Variants in SPIDR observed in about 807,000 individuals in gnomAD.
SPIDR encodes the protein DNA repair-scaffolding protein.
Under a neutral mutation model 104.6 loss-of-function variants are expected in SPIDR, and 93 were observed. That is an observed-to-expected ratio of 0.89 (90% CI 0.75 to 1.06). SPIDR has a LOEUF of 1.06. Among genes scored for constraint, SPIDR ranks in the 50% least tolerant of loss-of-function variants. SPIDR has a pLI of 0.00. For synonymous variants in SPIDR, 431 were observed against 416.9 expected (o/e 1.03, Z -0.41); for missense variants, 1,154 against 1,111.2 (o/e 1.04, Z -0.55).
At position 47,692,487 on chromosome 8, in the gene SPIDR, CT is replaced by C. The variant is rs1171012398; in HGVS notation, c.1686-7893del. ...ATGATGTAACATGTATCAGAATTTC[CT>C]TTTTTTTTTTTTTTTTTTTTTTCTT... On this transcript the variant is annotated intron_variant, in intron 11 of 19. Coordinates refer to ENST00000297423, the MANE Select transcript of SPIDR (RefSeq NM_001080394.4). 9.7e-3 allele frequency among the ~76,000 whole-genome samples: 1,159 copies of C among 119,280 alleles called. 14 individuals are homozygous for C. The highest frequency in any genetic ancestry group is 0.029 in the African/African-American group (895 of 31,074). 78.3% of individuals were successfully genotyped at this position (119,280 alleles called of 152,430 possible). A position where few individuals can be genotyped will look rare whatever the true frequency, so the allele number is the denominator to read the frequency against.
In SPIDR at chr8:47,321,305, G is replaced by C. The variant is rs565003845; in HGVS notation, c.525+27275G>C. 2.2e-4 allele frequency among the ~76,000 whole-genome samples: 31 copies of C among 141,782 alleles called. No individual in the cohort carries two copies. In the South Asian group the frequency reaches 2.8e-3, roughly 13 times the overall value. 93.0% of individuals were successfully genotyped at this position (141,782 alleles called of 152,430 possible). A position where few individuals can be genotyped will look rare whatever the true frequency, so the allele number is the denominator to read the frequency against. The stretch of plus-strand genomic sequence containing the variant: ...AGCATTCTTATACACCAATAACAGA[G>C]AAAGAGAGAGCCAAATTATGAGTGA... On this transcript the variant is annotated intron_variant, in intron 5 of 19. Coordinates refer to ENST00000297423, the MANE Select transcript of SPIDR (RefSeq NM_001080394.4).
intron 5 of SPIDR, among the ~76,000 whole-genome samples, chr8:47,311,103 C>A (rs1436640110): frequency 6.6e-6 from 1 of 151,910 alleles, no homozygotes; most frequent in Non-Finnish European, 1.5e-5. Flanking sequence ...AGATAAGAAA[C>A]CTCAGCTGAA....
intron 8 of SPIDR, among the ~76,000 whole-genome samples, chr8:47,569,705 C>G (rs956091690): frequency 6.6e-6 from 1 of 152,126 alleles, no homozygotes; most frequent in African/African-American, 2.4e-5. Flanking sequence ...GTGAAATTTT[C>G]TCTATTCACA....
At chr8:47,622,491 G>A (rs142547535) in intron 10 of SPIDR, among the ~76,000 whole-genome samples, 8 of 152,246 alleles carry the variant, frequency 5.3e-5, no homozygotes, top group African/African-American at 1.4e-4. Flanking sequence ...GACCTGACGC[G>A]GGTCTCCTTT....
intron 10 of SPIDR, among the ~76,000 whole-genome samples, chr8:47,646,623 T>C (rs1265610097): frequency 6.6e-6 from 1 of 151,970 alleles, no homozygotes; most frequent in African/African-American, 2.4e-5. Context: ...CACAGAAAAA[T>C]CTATGACATT....
At chr8:47,303,221 C>G (rs782787798) in intron 5 of SPIDR, among the ~76,000 whole-genome samples, 1 of 152,200 alleles carries the variant, frequency 6.6e-6, no homozygotes, top group Non-Finnish European at 1.5e-5. Context: ...AGCGAGGCTC[C>G]GTGGGCGTAG....
rs746475893 is a variant in SPIDR at position 47,673,866 on chromosome 8, C to T, written c.1610C>T (p.Ser537Leu). Residue 537 changes from serine (S) to leucine (L), a missense_variant, in exon 11 of 20, where the codon TCG (serine) becomes TTG (leucine). Coordinates refer to ENST00000297423, the MANE Select transcript of SPIDR (RefSeq NM_001080394.4). ...GAAGTGCACTTGGAGTTCACCATGTCGAAGGCAAGACAGTTGGAAGGGAAG... is the reference window on the plus strand; with the variant it reads ...GAAGTGCACTTGGAGTTCACCATGTTGAAGGCAAGACAGTTGGAAGGGAAG... The part of the protein sequence containing the change: ...FGEVHLEFTM[S>L]KARQLEGKSC... The T allele has an allele frequency of 1.7e-5, 27 of 1,614,066 alleles. No homozygotes were observed. The Middle Eastern group carries it at 4.9e-4, about 30-fold the overall frequency.
chr8:47,298,980 A>G (rs1294658266), intron 5 of SPIDR, among the ~76,000 whole-genome samples: 3 of 152,112 alleles, frequency 2.0e-5, no homozygotes, highest in South Asian at 2.1e-4. Context: ...GTTTTTTCCA[A>G]TTCTGTGCAG....
intron 5 of SPIDR, among the ~76,000 whole-genome samples, chr8:47,356,352 A>G (rs1451540454): frequency 6.6e-6 from 1 of 152,210 alleles, no homozygotes; most frequent in East Asian, 1.9e-4. Context: ...TTGGGAGCAT[A>G]ATTTCTCATT....
chr8:47,401,423 A>G (rs1396850135), intron 6 of SPIDR, among the ~76,000 whole-genome samples: 1 of 152,232 alleles, frequency 6.6e-6, no homozygotes, highest in African/African-American at 2.4e-5. Context: ...AACTGCATCA[A>G]CTAACGAGCA....
intron 8 of SPIDR, chr8:47,511,978 G>T: frequency 1.3e-6 from 1 of 792,876 alleles, no homozygotes; most frequent in Non-Finnish European, 2.3e-6. Context: ...ACTGGGGGTT[G>T]CCTGTGAAAT....
intron 8 of SPIDR, among the ~76,000 whole-genome samples, chr8:47,535,172 G>A (rs1433397317): frequency 1.3e-5 from 2 of 152,216 alleles, no homozygotes; most frequent in South Asian, 2.1e-4. Context: ...AAGCACTGCT[G>A]GGTTCACTGG....
chr8:47,466,248 C>CTA (rs782516013), intron 8 of SPIDR, among the ~76,000 whole-genome samples: 62 of 152,168 alleles, frequency 4.1e-4, no homozygotes, highest in Non-Finnish European at 7.8e-4. Context: ...AGCACATACT[C>CTA]TAAGATTGAC....
At chr8:47,723,708 C>T (rs968374299) in intron 16 of SPIDR, among the ~76,000 whole-genome samples, 9 of 152,146 alleles carry the variant, frequency 5.9e-5, no homozygotes, top group Admixed American at 5.9e-4. Flanking sequence ...GGATTACAGG[C>T]GTGAGCCACC....
intron 8 of SPIDR, among the ~76,000 whole-genome samples, chr8:47,495,768 T>C (rs902108029): frequency 6.6e-6 from 1 of 152,186 alleles, no homozygotes; most frequent in African/African-American, 2.4e-5. Flanking sequence ...TATCCAGTTC[T>C]AGCACCATTT....
chr8:47,333,726 A>T (rs116106783), intron 5 of SPIDR, among the ~76,000 whole-genome samples: 2,091 of 152,348 alleles, frequency 0.014, 51 homozygotes, highest in African/African-American at 0.048. Flanking sequence ...GGCAGCATAC[A>T]GTAAGTCTGT....
chr8:47,623,980 T>G (rs2065577989), intron 10 of SPIDR, among the ~76,000 whole-genome samples: 1 of 152,218 alleles, frequency 6.6e-6, no homozygotes, highest in South Asian at 2.1e-4. Flanking sequence ...GACCACATAG[T>G]TGGAAGTAAA....
rs2154220282 is a variant in SPIDR at position 47,279,861 on chromosome 8, G to A, written c.34-1G>A. 1.2e-6 allele frequency: 2 copies of A among 1,602,628 alleles called. No homozygotes were observed. The highest frequency in any genetic ancestry group is 4.5e-5 in the East Asian group (2 of 44,716). Reference sequence around the variant, plus strand: ...TTTTCTTTTAAAAATCATCTCCACAGAGAAAAAGGAGTTGGAATACAGAAT... The same window carrying A: ...TTTTCTTTTAAAAATCATCTCCACAAAGAAAAAGGAGTTGGAATACAGAAT... On this transcript the variant is annotated splice_acceptor_variant, in intron 1 of 19. Transcript: ENST00000297423. LOFTEE classifies it high-confidence loss of function.
chr8:47,338,851 A>G (rs2050221707), intron 5 of SPIDR, among the ~76,000 whole-genome samples: 1 of 152,196 alleles, frequency 6.6e-6, no homozygotes, highest in African/African-American at 2.4e-5. Context: ...AATTTATGTT[A>G]GTAGATACCA....
Sources: allele counts gnomAD v4.1 joint callset (sites outside exome capture counted in the v4.1 genomes callset), GRCh38; gene constraint gnomAD v4.1.1; transcripts MANE v1.5; gene names NCBI Gene and HGNC (gene_info 2026-07-23, HGNC 2026-07-21).